Variants in ZFYVE28 observed in about 807,000 individuals in gnomAD.
ZFYVE28 encodes the protein zinc finger FYVE-type containing 28, also known as lateral signaling target protein 2 homolog.
In ZFYVE28, 40 loss-of-function variants were observed where a neutral mutation model predicts 82.1. That is an observed-to-expected ratio of 0.49 (90% CI 0.38 to 0.63). The LOEUF (loss-of-function observed/expected upper bound fraction) is 0.63. ZFYVE28 is among the 30% of genes least tolerant of loss of function. The pLI is 0.00. For synonymous variants in ZFYVE28, 612 were observed against 546.1 expected, an observed-to-expected ratio of 1.12 and a Z score of -1.68; for missense variants, 1,321 against 1,242.1, an observed-to-expected ratio of 1.06 and a Z score of -0.96.
At chr4:2,374,808 A>C (rs1727943048) in intron 1 of ZFYVE28, among the ~76,000 whole-genome samples, 1 of 152,232 alleles carries the variant, frequency 6.6e-6, no homozygotes, top group Non-Finnish European at 1.5e-5. Context: ...CTTTGGGCAG[A>C]AACTTGATGT....
rs533624436 is a variant in ZFYVE28, at chr4:2,346,994, T to C, written c.181-5379A>G. Among the ~76,000 whole-genome samples, 46 of 152,268 alleles carry C rather than the reference T, an allele frequency of 3.0e-4. 1 individual carries two copies. In the South Asian group the frequency reaches 5.2e-3, roughly 17 times the overall value. ...CCAAATAAAAGACAGATTTTCAGAT[T>C]GCATAATAAAATGAGACCCAACTAT... is the stretch of plus-strand genomic sequence containing the variant. On this transcript the variant is annotated intron_variant, in intron 2 of 12. Coordinates refer to ENST00000290974, the MANE Select transcript of ZFYVE28 (RefSeq NM_020972.3).
intron 2 of ZFYVE28, among the ~76,000 whole-genome samples, chr4:2,351,986 G>T (rs920603262): frequency 1.3e-5 from 2 of 152,216 alleles, no homozygotes; most frequent in African/African-American, 4.8e-5. Context: ...CAGGGGACAG[G>T]TTCCAGGACC....
intron 11 of ZFYVE28, 49 bp from the exon 12 acceptor site, chr4:2,271,463 G>T: frequency 6.3e-7 from 1 of 1,584,034 alleles, no homozygotes; most frequent in Middle Eastern, 1.7e-4. Context: ...GAGCAGGTGG[G>T]CTGGGCCGGG....
At position 2,394,588 on chromosome 4, in the gene ZFYVE28, G is replaced by A. The variant is rs139892254; in HGVS notation, c.39+23697C>T. On this transcript the variant is annotated intron_variant, in intron 1 of 12. Coordinates refer to ENST00000290974, the MANE Select transcript of ZFYVE28 (RefSeq NM_020972.3). The surrounding 1 kb of genome is among the most constrained non-coding windows in gnomAD (Gnocchi z 4.0). ...GATGGCTCCAGCTGTGTGCACATAA[G>A]GTCCTAAAACATCAACGCCTCCTTT... Among the ~76,000 whole-genome samples, 274 of 152,346 alleles carry A rather than the reference G, an allele frequency of 1.8e-3. No homozygotes were observed. Among genetic ancestry groups the A allele is most frequent in the African/African-American group, 6.4e-3 (268 of 41,576 alleles).
intron 5 of ZFYVE28, 62 bp downstream of exon 5, chr4:2,337,345 C>A: frequency 6.8e-7 from 1 of 1,474,704 alleles, no homozygotes; most frequent in Admixed American, 2.0e-5. Context: ...CTGCCCCGGG[C>A]CTGGAGTGAG....
intron 6 of ZFYVE28, among the ~76,000 whole-genome samples, chr4:2,326,126 C>G (rs1719820767): frequency 6.6e-6 from 1 of 152,210 alleles, no homozygotes; most frequent in South Asian, 2.1e-4. Context: ...CAAAAAGTCA[C>G]TACCCAGACT....
chr4:2,298,782 G>A (rs7666302), intron 8 of ZFYVE28, among the ~76,000 whole-genome samples: 6 of 152,126 alleles, frequency 3.9e-5, no homozygotes, highest in Non-Finnish European at 7.3e-5. Flanking sequence ...GCCAGCGCCC[G>A]GGCAGCCTTG....
chr4:2,339,289 G>A lies in ZFYVE28; in HGVS notation c.521+164C>T, dbSNP rs780923324. ...GAAAGATGCCCCACCTCACCTCCAC[G>A]CTATGCTCTCCAGGGCTTAACCCCA... is the stretch of plus-strand genomic sequence containing the variant. On this transcript the variant is annotated intron_variant, in intron 4 of 12. Transcript: ENST00000290974. The surrounding 1 kb of genome is among the most constrained non-coding windows in gnomAD (Gnocchi z 5.0). Among the ~76,000 whole-genome samples, 7 of 152,028 alleles carry A rather than the reference G, an allele frequency of 4.6e-5. No individual in the cohort carries two copies. The highest frequency in any genetic ancestry group is 8.8e-5 in the Non-Finnish European group (6 of 67,990).
At chr4:2,354,535 T>C (rs1724954917) in intron 1 of ZFYVE28, among the ~76,000 whole-genome samples, 1 of 147,928 alleles carries the variant, frequency 6.8e-6, no homozygotes, top group East Asian at 2.0e-4. Flanking sequence ...CCCAACTCAC[T>C]GCAACCTCCG....
At chr4:2,337,083 G>A (rs1180829788) in intron 5 of ZFYVE28, among the ~76,000 whole-genome samples, 1 of 151,678 alleles carries the variant, frequency 6.6e-6, no homozygotes, top group Non-Finnish European at 1.5e-5. Flanking sequence ...AGGTTTGGAC[G>A]TCCAATCCAT....
rs1165907436 is a variant in ZFYVE28 at position 2,308,657 on chromosome 4, GAA to G, written c.804-3123_804-3122del. ...AGAAAGAAAGAAAGAAAGAAAGAAA[GAA>G]AGAAAGAAAGAAAGAAAGAGAAAGA... On this transcript the variant is annotated intron_variant, in intron 7 of 12. Coordinates refer to ENST00000290974, the MANE Select transcript of ZFYVE28 (RefSeq NM_020972.3). 2.8e-3 allele frequency among the ~76,000 whole-genome samples: 285 copies of G among 100,512 alleles called. 1 individual carries two copies. The highest frequency in any genetic ancestry group is 7.7e-3 in the African/African-American group (189 of 24,470). The allele number at this position is 100,512 out of a possible 152,430, so 65.9% of individuals were successfully genotyped here.
chr4:2,314,753 G>A (rs762837), intron 7 of ZFYVE28, among the ~76,000 whole-genome samples: 77,121 of 151,938 alleles, frequency 0.51, 20,090 homozygotes, highest in Middle Eastern at 0.55. Flanking sequence ...ATTCACTTAT[G>A]TTAACCCACA....
intron 1 of ZFYVE28, among the ~76,000 whole-genome samples, chr4:2,377,868 G>A (rs1021838426): frequency 2.0e-5 from 3 of 152,150 alleles, no homozygotes; most frequent in Non-Finnish European, 4.4e-5. Context: ...TCAGAGAATG[G>A]ACTTCCACAA....
Position 2,416,726 on chromosome 4 carries a change from G to C in ZFYVE28, c.39+1559C>G, listed in dbSNP as rs1361046452. 3.9e-5 allele frequency among the ~76,000 whole-genome samples: 6 copies of C among 152,300 alleles called. No individual in the cohort carries two copies. Among genetic ancestry groups the C allele is most frequent in the Middle Eastern group, 3.4e-3 (1 of 294 alleles). On this transcript the variant is annotated intron_variant, in intron 1 of 12. Transcript: ENST00000290974. The surrounding 1 kb of genome is among the most constrained non-coding windows in gnomAD (Gnocchi z 4.6). ...CCCAGCGCCAGGAAACGCAAGGCTC[G>C]GGACGAACCCTTAAGAAGTCGCTGC...
intron 1 of ZFYVE28, among the ~76,000 whole-genome samples, chr4:2,398,967 CCAG>C (rs1730812128): frequency 2.9e-5 from 4 of 137,328 alleles, no homozygotes; most frequent in South Asian, 2.4e-4. Flanking sequence ...GGTGTGAGAT[CCAG>C]TGCACAAGGT....
chr4:2,276,114 G>A (rs1007981866), intron 8 of ZFYVE28, among the ~76,000 whole-genome samples: 2 of 152,152 alleles, frequency 1.3e-5, no homozygotes, highest in Admixed American at 6.5e-5. Context: ...CGTGGCGCAC[G>A]TGAGAATTCA....
In ZFYVE28 at chr4:2,404,321, A is replaced by C. The variant is rs200124723; in HGVS notation, c.39+13964T>G. Among the ~76,000 whole-genome samples the C allele has an allele frequency of 2.8e-4, 43 of 150,884 alleles. 1 individual carries two copies. The South Asian group carries it at 8.4e-3, about 29-fold the overall frequency. On this transcript the variant is annotated intron_variant, in intron 1 of 12. Coordinates refer to ENST00000290974, the MANE Select transcript of ZFYVE28 (RefSeq NM_020972.3). ...CGAGACTCCGCCTCAAAAAAAAAAA[A>C]AAAAAAACGCTGAAGATGGAGCTAC...
chr4:2,318,524 G>A (rs1485605324), intron 7 of ZFYVE28, among the ~76,000 whole-genome samples: 3 of 152,180 alleles, frequency 2.0e-5, no homozygotes, highest in Non-Finnish European at 2.9e-5. Context: ...ACCACTACAC[G>A]TGGACAGTAA....
At chr4:2,317,565 C>T (rs1366018631) in intron 7 of ZFYVE28, among the ~76,000 whole-genome samples, 1 of 152,208 alleles carries the variant, frequency 6.6e-6, no homozygotes, top group Non-Finnish European at 1.5e-5. Context: ...TCCAGCTCAG[C>T]CTCCAGCCAC....
Sources: gnomAD v4.1 joint callset for allele counts (sites outside exome capture counted in the v4.1 genomes callset) on GRCh38, gnomAD v4.1.1 for gene constraint, Gnocchi (gnomAD v3.1) non-coding constraint, MANE v1.5 for transcripts, NCBI Gene and HGNC (gene_info 2026-07-23, HGNC 2026-07-21) for gene names.